PLEKHA1: variants seen among roughly 807,000 people sequenced by gnomAD.
PLEKHA1 encodes the protein pleckstrin homology domain-containing family A member 1.
A neutral mutation model predicts 52.0 loss-of-function variants in PLEKHA1; 34 were observed. The ratio of observed to expected loss-of-function variants is 0.65; its 90% CI spans 0.50 to 0.87. PLEKHA1 has a LOEUF of 0.87. PLEKHA1 is among the 40% of genes least tolerant of loss of function. The pLI is 0.00. For synonymous variants in PLEKHA1, 163 were observed against 170.7 expected, an observed-to-expected ratio of 0.95 and a Z score of 0.35; for missense variants, 497 against 504.2, an observed-to-expected ratio of 0.99 and a Z score of 0.14.
chr10:122,397,337 G>A (rs894825833), intron 2 of PLEKHA1, among the ~76,000 whole-genome samples: 1 of 151,920 alleles, frequency 6.6e-6, no homozygotes, highest in Non-Finnish European at 1.5e-5. Context: ...TGAAACTTAC[G>A]GGAAGAATGA....
At chr10:122,397,711 T>C (rs1322626510) in intron 2 of PLEKHA1, among the ~76,000 whole-genome samples, 1 of 152,082 alleles carries the variant, frequency 6.6e-6, no homozygotes, top group African/African-American at 2.4e-5. Context: ...TGCATGATAA[T>C]GGAACAGAGT....
chr10:122,383,326 CTTTTTTT>C (rs34354520), intron 1 of PLEKHA1, among the ~76,000 whole-genome samples: 1 of 111,614 alleles, frequency 9.0e-6, no homozygotes, highest in South Asian at 3.1e-4. Flanking sequence ...TTTTTTTTTT[CTTTTTTT>C]TTTTTAGAAT....
chr10:122,380,997 T>C (rs2133635710), intron 1 of PLEKHA1, among the ~76,000 whole-genome samples: 1 of 152,324 alleles, frequency 6.6e-6, no homozygotes, highest in East Asian at 1.9e-4. Flanking sequence ...AGCAAGTGCC[T>C]TATTAGTTTT....
rs181112317 is a variant in PLEKHA1 at position 122,384,781 on chromosome 10, C to T, written c.-20-8400C>T. On this transcript the variant is annotated intron_variant, in intron 1 of 11. Coordinates refer to ENST00000368990, the MANE Select transcript of PLEKHA1 (RefSeq NM_001001974.4). The stretch of plus-strand genomic sequence containing the variant: ...CAGCCTGGCCAAACATGGTGAAACC[C>T]TGTCTCTACTGAAAATACAGAAATT... Among the ~76,000 whole-genome samples, 53 of 152,110 alleles carry T rather than the reference C, an allele frequency of 3.5e-4. 1 individual carries two copies. The East Asian group carries it at 9.9e-3, about 28-fold the overall frequency.
At chr10:122,400,220 A>G (rs540611913) in intron 3 of PLEKHA1, 123 bp from the exon 4 acceptor site, 1 of 688,112 alleles carries the variant, frequency 1.5e-6, no homozygotes, top group South Asian at 3.6e-5. Flanking sequence ...TTTAATTTTA[A>G]GTCTGTTTAC....
Position 122,432,253 on chromosome 10 carries a change from A to G in PLEKHA1, c.*2315A>G, listed in dbSNP as rs1173343123. ...ATGTCTTCTTTCAGAATGGGAATATATGTGTGCCTCCCAACATTTACTGTT... is the reference window on the plus strand; with the variant it reads ...ATGTCTTCTTTCAGAATGGGAATATGTGTGTGCCTCCCAACATTTACTGTT... On this transcript the variant is annotated 3_prime_UTR_variant, in exon 12 of 12. Transcript: ENST00000368990. The G allele has an allele frequency of 6.6e-6, 1 of 152,190 alleles. No individual in the cohort carries two copies. Among genetic ancestry groups the G allele is most frequent in the Non-Finnish European group, 1.5e-5 (1 of 68,044 alleles). 9.4% of individuals were successfully genotyped at this position (152,190 alleles called of 1,614,324 possible).
Position 122,406,628 on chromosome 10 carries a change from C to A in PLEKHA1, c.297C>A (p.Asp99Glu). ...KYFLQANDQQ[D>E]LVEWVNVLNK... ...TCCTACAAGCCAATGATCAGCAGGACCTAGTGGAATGGGTAAATGTGTTAA... is the reference window on the plus strand; with the variant it reads ...TCCTACAAGCCAATGATCAGCAGGAACTAGTGGAATGGGTAAATGTGTTAA... The change falls in exon 5 of 12, where the codon GAC becomes GAA. Residue 99 changes from aspartate to glutamate, a missense_variant. By Grantham distance (45) the Asp-to-Glu change is conservative. Transcript: ENST00000368990. 2 of 1,613,084 alleles carry A rather than the reference C, an allele frequency of 1.2e-6. No individual in the cohort carries two copies. Among genetic ancestry groups the A allele is most frequent in the Non-Finnish European group, 1.7e-6 (2 of 1,179,330 alleles).
At chr10:122,405,780 A>G (rs1030650224) in intron 4 of PLEKHA1, among the ~76,000 whole-genome samples, 3 of 152,156 alleles carry the variant, frequency 2.0e-5, no homozygotes, top group Non-Finnish European at 4.4e-5. Context: ...AGTAGAAGCC[A>G]CCATGGAGCT....
intron 8 of PLEKHA1, chr10:122,421,878 A>G (rs557780152): frequency 1.5e-4 from 20 of 134,520 alleles, no homozygotes; most frequent in Non-Finnish European, 2.7e-4. Context: ...AAGCAACTGT[A>G]AATGCCATTC....
chr10:122,432,629 A>G (rs2097423682), downstream of PLEKHA1: 1 of 152,208 alleles, frequency 6.6e-6, no homozygotes, highest in Admixed American at 6.5e-5. Context: ...ATCATATGTT[A>G]GCCTCAGAGC....
At chr10:122,416,680 G>A (rs894268157) in intron 7 of PLEKHA1, among the ~76,000 whole-genome samples, 1 of 152,026 alleles carries the variant, frequency 6.6e-6, no homozygotes, top group African/African-American at 2.4e-5. Context: ...ATATTTCTAA[G>A]GTTGCAACAT....
At chr10:122,374,984 C>T (rs1357188939) in intron 1 of PLEKHA1, 178 bp downstream of exon 1, 1 of 151,922 alleles carries the variant, frequency 6.6e-6, no homozygotes, top group Non-Finnish European at 1.5e-5. Flanking sequence ...CCGGCGCCCC[C>T]TCTGCGCACG....
chr10:122,418,801 A>G (rs1170176203), intron 8 of PLEKHA1: 7 of 152,346 alleles, frequency 4.6e-5, no homozygotes, highest in Non-Finnish European at 7.3e-5. Flanking sequence ...ATAAATGTCT[A>G]TCCTACGTCT....
At chr10:122,412,654 A>C (rs1203208925) in intron 5 of PLEKHA1, 3 of 388,756 alleles carry the variant, frequency 7.7e-6, no homozygotes, top group Admixed American at 7.4e-5. Context: ...GCCCCTATGC[A>C]TAGGGTAGAC....
chr10:122,379,445 C>G (rs1340788062), intron 1 of PLEKHA1, among the ~76,000 whole-genome samples: 1 of 152,196 alleles, frequency 6.6e-6, no homozygotes, highest in Non-Finnish European at 1.5e-5. Flanking sequence ...GTCAGTCACT[C>G]AGTCTGCTGC....
intron 10 of PLEKHA1, 54 bp from the exon 11 acceptor site, chr10:122,426,888 A>G (rs2097346765): frequency 7.1e-7 from 1 of 1,403,046 alleles, no homozygotes; most frequent in East Asian, 2.3e-5. Flanking sequence ...TTGGCTGTAT[A>G]GAAGTAGGTG....
chr10:122,394,321 C>A (rs2096821624), intron 2 of PLEKHA1, among the ~76,000 whole-genome samples: 1 of 151,962 alleles, frequency 6.6e-6, no homozygotes, highest in Non-Finnish European at 1.5e-5. Flanking sequence ...GGTGATCCTC[C>A]AGCCTCAGCC....
chr10:122,429,908 C>A lies in PLEKHA1; in HGVS notation c.1185C>A (p.Asp395Glu), dbSNP rs149768814. 6.2e-7 allele frequency: 1 copy of A among 1,613,780 alleles called. No individual in the cohort carries two copies. The highest frequency in any genetic ancestry group is 8.5e-7 in the Non-Finnish European group (1 of 1,179,832). ...QEKDCDLVDL[D>E]DASLPVSDV is the part of the protein sequence containing the mutation. ...AAGATTGTGACCTAGTAGACTTGGACGATGCGAGCCTTCCGGTCAGTGACG... is the reference window on the plus strand; with the variant it reads ...AAGATTGTGACCTAGTAGACTTGGAAGATGCGAGCCTTCCGGTCAGTGACG... The change falls in exon 12 of 12, where the codon GAC becomes GAA. Residue 395 changes from aspartate to glutamate, a missense_variant. Physicochemically the swap from Asp to Glu is conservative, Grantham distance 45. Transcript: ENST00000368990.
intron 5 of PLEKHA1, among the ~76,000 whole-genome samples, chr10:122,408,031 G>A (rs1590672728): frequency 6.6e-6 from 1 of 152,218 alleles, no homozygotes; most frequent in South Asian, 2.1e-4. Context: ...ACATGAAGCA[G>A]AAGTTATTTT....
Sources: gnomAD v4.1 joint callset for allele counts (sites outside exome capture counted in the v4.1 genomes callset) on GRCh38, gnomAD v4.1.1 for gene constraint, MANE v1.5 for transcripts, NCBI Gene and HGNC (gene_info 2026-07-23, HGNC 2026-07-21) for gene names.